FAM222A: variants seen among roughly 807,000 people sequenced by gnomAD.
The protein encoded by FAM222A is family with sequence similarity 222 member A.
Under a neutral mutation model 25.8 loss-of-function variants are expected in FAM222A, and 7 were observed. That is an observed-to-expected ratio of 0.27 (90% CI 0.15 to 0.51). The LOEUF (loss-of-function observed/expected upper bound fraction) is 0.51, where lower values mean the gene tolerates loss of function less well. FAM222A is among the 20% of genes least tolerant of loss of function. The probability of loss-of-function intolerance (pLI) is 0.97; values close to 1 mark genes in which losing one functional copy is unlikely to be tolerated. For missense variants in FAM222A, 573 were observed against 640.5 expected (o/e 0.89, Z 1.14); for synonymous variants, 294 against 298.8 (o/e 0.98, Z 0.17).
chr12:109,765,370 G>C (rs1344550), intron 2 of FAM222A, among the ~76,000 whole-genome samples: 20,077 of 152,192 alleles, frequency 0.13, 1,553 homozygotes, highest in East Asian at 0.31. Context: ...CGTGCAGTGA[G>C]AGCCGCTTTC....
chr12:109,732,665 C>A (rs1270731344), intron 1 of FAM222A, among the ~76,000 whole-genome samples: 2 of 152,194 alleles, frequency 1.3e-5, no homozygotes, highest in Non-Finnish European at 2.9e-5. Flanking sequence ...TCTGGGCCCA[C>A]TTTTCAGAAG....
chr12:109,726,455 C>T (rs1887844569), intron 1 of FAM222A, among the ~76,000 whole-genome samples: 1 of 152,208 alleles, frequency 6.6e-6, no homozygotes, highest in Admixed American at 6.5e-5. Flanking sequence ...GTGGTGGAGC[C>T]AGGATTTGGC....
intron 1 of FAM222A, among the ~76,000 whole-genome samples, chr12:109,726,803 G>T (rs2136322021): frequency 6.6e-6 from 1 of 152,186 alleles, no homozygotes; most frequent in East Asian, 1.9e-4. Context: ...CTGAGAACAT[G>T]CCTGGCCAGG....
intron 2 of FAM222A, among the ~76,000 whole-genome samples, chr12:109,747,915 G>A (rs1188033942): frequency 6.6e-6 from 1 of 151,994 alleles, no homozygotes; most frequent in Non-Finnish European, 1.5e-5. Flanking sequence ...TTATTTAATA[G>A]TTGGCTACTA....
chr12:109,723,002 T>TGGGGGGG (rs141202990), intron 1 of FAM222A, among the ~76,000 whole-genome samples: 5 of 61,828 alleles, frequency 8.1e-5, no homozygotes, highest in South Asian at 5.3e-4. Flanking sequence ...AGGGAGCGGG[T>TGGGGGGG]GGGGGGGGGA....
intron 2 of FAM222A, among the ~76,000 whole-genome samples, chr12:109,746,373 C>G (rs1414928062): frequency 6.6e-6 from 1 of 152,064 alleles, no homozygotes; most frequent in Non-Finnish European, 1.5e-5. Flanking sequence ...CCTGTAATCC[C>G]AGCTGCTCAG....
intron 1 of FAM222A, among the ~76,000 whole-genome samples, chr12:109,730,460 C>G (rs534690471): frequency 8.1e-4 from 124 of 152,188 alleles, no homozygotes; most frequent in African/African-American, 2.8e-3. Flanking sequence ...CAAGGCCCAC[C>G]TCATCAGACT....
At chr12:109,738,196 G>C (rs1043512631) in intron 1 of FAM222A, among the ~76,000 whole-genome samples, 1 of 152,110 alleles carries the variant, frequency 6.6e-6, no homozygotes, top group Non-Finnish European at 1.5e-5. Context: ...GCTGGGCAAG[G>C]GTCCCTCCAC....
chr12:109,749,305 C>T (rs968432557), intron 2 of FAM222A, among the ~76,000 whole-genome samples: 3 of 152,082 alleles, frequency 2.0e-5, no homozygotes, highest in Admixed American at 1.3e-4. Context: ...GGGGTTTCTC[C>T]GTGTTAGTCA....
intron 2 of FAM222A, among the ~76,000 whole-genome samples, chr12:109,755,753 G>A (rs572372180): frequency 6.6e-6 from 1 of 152,354 alleles, no homozygotes; most frequent in Non-Finnish European, 1.5e-5. Context: ...CTATTGAGTT[G>A]TTTTGGTTCC....
intron 2 of FAM222A, among the ~76,000 whole-genome samples, chr12:109,767,147 G>A (rs963073968): frequency 7.0e-5 from 10 of 142,654 alleles, no homozygotes; most frequent in East Asian, 2.2e-4. Context: ...GGGCTCAAGC[G>A]ATCCTTCCAC....
chr12:109,738,438 G>T (rs200375108), intron 1 of FAM222A, among the ~76,000 whole-genome samples: 1 of 152,200 alleles, frequency 6.6e-6, no homozygotes, highest in African/African-American at 2.4e-5. Context: ...TTTGGAGCAG[G>T]CTGTGTGGCC....
At chr12:109,756,193 C>T (rs1408075600) in intron 2 of FAM222A, among the ~76,000 whole-genome samples, 1 of 152,038 alleles carries the variant, frequency 6.6e-6, no homozygotes, top group African/African-American at 2.4e-5. Flanking sequence ...CTTTTTGATG[C>T]TGTTGTAATT....
intron 2 of FAM222A, among the ~76,000 whole-genome samples, chr12:109,765,175 A>G (rs897738195): frequency 6.6e-6 from 1 of 152,186 alleles, no homozygotes; most frequent in African/African-American, 2.4e-5. Flanking sequence ...CCAGTGCCCC[A>G]CGTCGGGGCC....
At chr12:109,718,230 C>A (rs564394460) in intron 1 of FAM222A, among the ~76,000 whole-genome samples, 4 of 152,200 alleles carry the variant, frequency 2.6e-5, no homozygotes, top group Non-Finnish European at 4.4e-5. Flanking sequence ...AGGTTGAAGA[C>A]CCCATTTGCA....
In FAM222A at chr12:109,738,879, T is replaced by G. The variant is rs573508164; in HGVS notation, c.-46-5222T>G. 2.0e-5 allele frequency among the ~76,000 whole-genome samples: 3 copies of G among 152,266 alleles called. No individual in the cohort carries two copies. In the South Asian group the frequency reaches 6.2e-4, roughly 32 times the overall value. On this transcript the variant is annotated intron_variant, in intron 1 of 2. Transcript: ENST00000538780. ...ATAAAGGTTCATTTGGGAAACAGAC[T>G]CAGAGAGGTGCTGTGACTTCCTCCA...
intron 1 of FAM222A, among the ~76,000 whole-genome samples, chr12:109,738,282 T>C (rs896471348): frequency 2.0e-5 from 3 of 152,206 alleles, no homozygotes; most frequent in Admixed American, 2.0e-4. Context: ...TTCTACTTGC[T>C]CAGCTCGTGG....
chr12:109,755,033 T>C (rs1888679256), intron 2 of FAM222A, among the ~76,000 whole-genome samples: 1 of 152,192 alleles, frequency 6.6e-6, no homozygotes, highest in African/African-American at 2.4e-5. Context: ...TCATATATTC[T>C]AGATACAAGT....
At chr12:109,729,898 A>G (rs1887912543) in intron 1 of FAM222A, among the ~76,000 whole-genome samples, 1 of 152,228 alleles carries the variant, frequency 6.6e-6, no homozygotes. Flanking sequence ...ATATATTATG[A>G]GCCCCTTTCT....
Sources: gnomAD v4.1 joint callset for allele counts (sites outside exome capture counted in the v4.1 genomes callset) on GRCh38, gnomAD v4.1.1 for gene constraint, MANE v1.5 for transcripts, NCBI Gene and HGNC (gene_info 2026-07-23, HGNC 2026-07-21) for gene names.